The following ACSS3 variants were observed in gnomAD, a reference collection of about 807,000 sequenced individuals.
ACSS3 encodes the protein acyl-CoA synthetase short chain family member 3.
ACSS3 carries 64 observed loss-of-function variants against 84.2 expected under a neutral mutation model. The observed-to-expected ratio is 0.76, with a 90% CI of 0.62 to 0.94. ACSS3 has a LOEUF of 0.94. Among genes scored for constraint, ACSS3 ranks in the 40% least tolerant of loss-of-function variants. The pLI is 0.00. For synonymous variants in ACSS3, 317 were observed against 310.1 expected (o/e 1.02, Z -0.23); for missense variants, 815 against 867.6 (o/e 0.94, Z 0.76).
chr12:81,095,243 C>T (rs571566622), intron 1 of ACSS3, among the ~76,000 whole-genome samples: 1 of 152,218 alleles, frequency 6.6e-6, no homozygotes, highest in Admixed American at 6.5e-5. Flanking sequence ...GACTGGGGAC[C>T]ACTGTTCCTA....
At chr12:81,212,911 C>T (rs964520310) in intron 9 of ACSS3, among the ~76,000 whole-genome samples, 9 of 152,166 alleles carry the variant, frequency 5.9e-5, no homozygotes, top group Admixed American at 5.2e-4. Context: ...AGGTGACATT[C>T]TTCATACCCT....
chr12:81,137,639 G>A (rs1453485394), intron 3 of ACSS3, among the ~76,000 whole-genome samples: 1 of 152,102 alleles, frequency 6.6e-6, no homozygotes, highest in Non-Finnish European at 1.5e-5. Flanking sequence ...ACTGTTAATA[G>A]AAATGTGAAA....
chr12:81,213,722 GC>G lies in ACSS3; in HGVS notation c.1355-3178del, dbSNP rs1316509166. ...CCTCCTCTCCCCTCCGCTCCCCTCC[GC>G]TCCCCTCCGCTCCCCTCCGCTCGGC... On this transcript the variant is annotated intron_variant, in intron 9 of 15. Coordinates refer to ENST00000548058, the MANE Select transcript of ACSS3 (RefSeq NM_024560.4). Among the ~76,000 whole-genome samples the G allele has an allele frequency of 1.8e-4, 14 of 79,052 alleles. No individual in the cohort carries two copies. In the East Asian group the frequency reaches 5.7e-3, roughly 32 times the overall value. The allele number at this position is 79,052 out of a possible 152,430, so 51.9% of individuals were successfully genotyped here.
In ACSS3 at chr12:81,078,418, C is replaced by A. The variant is rs769687967; in HGVS notation, c.298C>A (p.Pro100Thr). ...WTKTLENKHS[P>T]STRWFVEGML... ...CAAAACGCTGGAGAACAAACACTCG[C>A]CCTCTACCAGGTGGTGAGTGACTTC... The change falls in exon 1 of 16, where the codon CCC becomes ACC. Residue 100 changes from proline (P) to threonine (T), a missense_variant. Pro to Thr is a conservative substitution (Grantham distance 38, BLOSUM62 -1). Coordinates refer to ENST00000548058, the MANE Select transcript of ACSS3 (RefSeq NM_024560.4). The A allele has an allele frequency of 4.8e-5, 77 of 1,612,424 alleles. No individual in the cohort carries two copies. The highest frequency in any genetic ancestry group is 6.0e-5 in the Non-Finnish European group (71 of 1,180,030).
In ACSS3 at chr12:81,083,818, A is replaced by C. The variant is rs564714882; in HGVS notation, c.311+5387A>C. On this transcript the variant is annotated intron_variant, in intron 1 of 15. Coordinates refer to ENST00000548058, the MANE Select transcript of ACSS3 (RefSeq NM_024560.4). Reference sequence around the variant, plus strand: ...AACCCCATATCTACTAAAAATACAAAAATTAGCTGGATGTGGTGGCACACA... The same window carrying C: ...AACCCCATATCTACTAAAAATACAACAATTAGCTGGATGTGGTGGCACACA... Among the ~76,000 whole-genome samples the C allele has an allele frequency of 9.2e-5, 14 of 152,192 alleles. No homozygotes were observed. In the East Asian group the frequency reaches 2.7e-3, roughly 30 times the overall value.
intron 1 of ACSS3, among the ~76,000 whole-genome samples, chr12:81,099,745 C>T (rs907103184): frequency 3.3e-5 from 5 of 151,848 alleles, no homozygotes; most frequent in African/African-American, 1.2e-4. Context: ...AGTCTTATTC[C>T]CTTTTATAAT....
rs1380819519 is a variant in ACSS3 at position 81,256,962 on chromosome 12, A to AT, written c.*2044dup. On this transcript the variant is annotated 3_prime_UTR_variant, in exon 16 of 16. Transcript: ENST00000548058. ...CAACTGTGGTCTTCATTAATAACTC[A>AT]TTTTAATGTCTTAGGAGTAGAATGT... 2.0e-5 allele frequency: 3 copies of AT among 152,108 alleles called. No individual in the cohort carries two copies. Among genetic ancestry groups the AT allele is most frequent in the Non-Finnish European group, 2.9e-5 (2 of 68,012 alleles). 9.4% of individuals were successfully genotyped at this position (152,108 alleles called of 1,614,324 possible).
chr12:81,089,129 T>C (rs1881506868), intron 1 of ACSS3, among the ~76,000 whole-genome samples: 1 of 151,972 alleles, frequency 6.6e-6, no homozygotes, highest in Non-Finnish European at 1.5e-5. Flanking sequence ...TAATGTTATT[T>C]TTATAAGAAC....
chr12:81,080,366 T>A lies in ACSS3; in HGVS notation c.311+1935T>A, dbSNP rs148104777. Among the ~76,000 whole-genome samples the A allele has an allele frequency of 4.2e-3, 632 of 151,910 alleles. 3 individuals carry two copies. Among genetic ancestry groups the A allele is most frequent in the African/African-American group, 0.014 (595 of 41,422 alleles). Reference sequence around the variant, plus strand: ...ATCTAGTTGCTTGTCTACATTTTTTTAAATGGTGTGTATAAGATGTGTTTA... The same window carrying A: ...ATCTAGTTGCTTGTCTACATTTTTTAAAATGGTGTGTATAAGATGTGTTTA... On this transcript the variant is annotated intron_variant, in intron 1 of 15. Transcript: ENST00000548058.
intron 4 of ACSS3, 24 bp downstream of exon 4, chr12:81,139,289 TCTTG>T: frequency 6.2e-7 from 1 of 1,610,848 alleles, no homozygotes; most frequent in African/African-American, 1.3e-5. Flanking sequence ...TGAATTTGGT[TCTTG>T]CTTATGGTAA....
chr12:81,260,565 A>G lies in ACSS3; in HGVS notation c.*5643A>G, dbSNP rs1033177046. On this transcript the variant is annotated 3_prime_UTR_variant, in exon 16 of 16. Transcript: ENST00000548058. ...CATGTCTAATTAGGTGCCAAATTATATACCATAATTAAAATTTTAATGTAA... is the reference window on the plus strand; with the variant it reads ...CATGTCTAATTAGGTGCCAAATTATGTACCATAATTAAAATTTTAATGTAA... The G allele has an allele frequency of 1.3e-5, 2 of 152,228 alleles. No homozygotes were observed. The highest frequency in any genetic ancestry group is 2.9e-5 in the Non-Finnish European group (2 of 68,032). The allele number at this position is 152,228 out of a possible 1,614,324, so 9.4% of individuals were successfully genotyped here.
chr12:81,164,097 C>A (rs1166442923), intron 7 of ACSS3, among the ~76,000 whole-genome samples: 1 of 152,126 alleles, frequency 6.6e-6, no homozygotes, highest in African/African-American at 2.4e-5. Context: ...CAAAGCAACT[C>A]CTAGTTCTAT....
chr12:81,192,516 T>C (rs1219892516), intron 8 of ACSS3, among the ~76,000 whole-genome samples: 1 of 152,194 alleles, frequency 6.6e-6, no homozygotes. Flanking sequence ...ATCACTTCTA[T>C]TCATTAGGAA....
At chr12:81,122,536 T>C (rs1884717670) in intron 2 of ACSS3, among the ~76,000 whole-genome samples, 1 of 152,164 alleles carries the variant, frequency 6.6e-6, no homozygotes, top group Admixed American at 6.5e-5. Context: ...TGTGAGGCAA[T>C]TATTACTATC....
At chr12:81,153,550 G>A (rs144385219) in intron 7 of ACSS3, among the ~76,000 whole-genome samples, 86 of 152,268 alleles carry the variant, frequency 5.6e-4, no homozygotes, top group African/African-American at 1.9e-3. Context: ...GAGTTACAGA[G>A]GGTTATATTT....
Position 81,231,091 on chromosome 12 carries a change from T to C in ACSS3, c.1549T>C (p.Trp517Arg), listed in dbSNP as rs762564307. The C allele has an allele frequency of 1.1e-5, 18 of 1,611,028 alleles. No individual in the cohort carries two copies. The highest frequency in any genetic ancestry group is 1.5e-5 in the Non-Finnish European group (18 of 1,178,228). ...PLPPGAFSGL[W>R]KNQEAFKHLY... ...GCCACCTGGGGCTTTTTCAGGACTC[T>C]GGAAGAATCAGGAAGCATTCAAGCA... The change falls in exon 12 of 16, where the codon TGG becomes CGG. Residue 517 changes from tryptophan to arginine, a missense_variant. Physicochemically the swap from Trp to Arg is moderately radical, Grantham distance 101. Transcript: ENST00000548058.
At chr12:81,222,059 T>G (rs2033130414) in intron 11 of ACSS3, among the ~76,000 whole-genome samples, 1 of 152,082 alleles carries the variant, frequency 6.6e-6, no homozygotes, top group African/African-American at 2.4e-5. Context: ...CTTATAGCCA[T>G]TAGTGTTATT....
intron 1 of ACSS3, among the ~76,000 whole-genome samples, chr12:81,082,316 A>G (rs1329254784): frequency 6.6e-6 from 1 of 152,188 alleles, no homozygotes; most frequent in Admixed American, 6.5e-5. Context: ...GAACATGCAT[A>G]TCTGGTTTTC....
At chr12:81,179,529 T>C (rs2030767214) in intron 8 of ACSS3, among the ~76,000 whole-genome samples, 1 of 151,978 alleles carries the variant, frequency 6.6e-6, no homozygotes, top group Admixed American at 6.6e-5. Flanking sequence ...ACGCTTGTAA[T>C]CCCAGCACTT....
Sources: allele counts gnomAD v4.1 joint callset (sites outside exome capture counted in the v4.1 genomes callset), GRCh38; gene constraint gnomAD v4.1.1; transcripts MANE v1.5; gene names NCBI Gene and HGNC (gene_info 2026-07-23, HGNC 2026-07-21).